The following CASQ2 variants were observed in gnomAD, a reference collection of about 807,000 sequenced individuals.
The protein encoded by CASQ2 is calsequestrin-2.
In CASQ2, 49 loss-of-function variants were observed where a neutral mutation model predicts 46.5. The observed-to-expected ratio is 1.05, with a 90% CI of 0.84 to 1.34. The LOEUF (loss-of-function observed/expected upper bound fraction) is 1.34, where lower values mean the gene tolerates loss of function less well. Ranked by LOEUF, CASQ2 falls within the 40% of genes most tolerant of loss-of-function variation. CASQ2 has a pLI of 0.00. For synonymous variants in CASQ2, 174 were observed against 168.5 expected (o/e 1.03, Z -0.25); for missense variants, 486 against 481.3 (o/e 1.01, Z -0.09).
At chr1:115,703,018 T>C in intron 9 of CASQ2, 23 bp from the exon 10 acceptor site, 1 of 1,597,462 alleles carries the variant, frequency 6.3e-7, no homozygotes, top group African/African-American at 1.3e-5. Flanking sequence ...AAAAATAAGA[T>C]TAGACAGCAG....
In CASQ2 at chr1:115,763,023, A is replaced by G. The variant is rs556835408; in HGVS notation, c.234+5285T>C. 5.9e-5 allele frequency among the ~76,000 whole-genome samples: 9 copies of G among 152,320 alleles called. No homozygotes were observed. In the South Asian group the frequency reaches 1.9e-3, roughly 32 times the overall value. ...TATTTAGTTGTGTTTTTGAGTCGCA[A>G]GCAGTTTCTTGATCCTTGCCCAATG... On this transcript the variant is annotated intron_variant, in intron 1 of 10. Coordinates refer to ENST00000261448, the MANE Select transcript of CASQ2 (RefSeq NM_001232.4).
chr1:115,761,468 A>AGGG (rs1557806754), intron 1 of CASQ2, among the ~76,000 whole-genome samples: 3 of 13,848 alleles, frequency 2.2e-4, no homozygotes, highest in East Asian at 3.7e-3. Flanking sequence ...AAGAAGGAGA[A>AGGG]GAAGAAGAAG....
chr1:115,713,696 G>T (rs1390320084), intron 8 of CASQ2, among the ~76,000 whole-genome samples: 5 of 152,156 alleles, frequency 3.3e-5, no homozygotes. Flanking sequence ...GCTTCCAGGT[G>T]GTTTTGTGCT....
At position 115,736,863 on chromosome 1, in the gene CASQ2, T is replaced by G. The variant is rs574820211; in HGVS notation, c.532+1361A>C. On this transcript the variant is annotated intron_variant, in intron 4 of 10. Coordinates refer to ENST00000261448, the MANE Select transcript of CASQ2 (RefSeq NM_001232.4). The stretch of plus-strand genomic sequence containing the variant: ...TCACCTCACAGGCTTGTTGTGAGAA[T>G]GAAATTAAGGCATCCATATAAGCTC... Among the ~76,000 whole-genome samples, 3 of 152,286 alleles carry G rather than the reference T, an allele frequency of 2.0e-5. No individual in the cohort carries two copies. In the East Asian group the frequency reaches 5.8e-4, roughly 29 times the overall value.
At chr1:115,733,006 C>T in intron 4 of CASQ2, 32 bp from the exon 5 acceptor site, 1 of 1,476,210 alleles carries the variant, frequency 6.8e-7, no homozygotes, top group Non-Finnish European at 9.5e-7. Context: ...AAGGGAGAGA[C>T]ATTTTCAAGA....
intron 7 of CASQ2, among the ~76,000 whole-genome samples, chr1:115,721,378 A>C (rs1037062944): frequency 2.0e-5 from 3 of 152,114 alleles, no homozygotes; most frequent in Non-Finnish European, 2.9e-5. Flanking sequence ...CACACAGCAA[A>C]TATTACCAGG....
chr1:115,744,362 A>G (rs10801967), intron 2 of CASQ2, among the ~76,000 whole-genome samples: 41,619 of 151,992 alleles, frequency 0.27, 6,103 homozygotes, highest in East Asian at 0.43. Flanking sequence ...CTGGGGTTTA[A>G]CCTTAAATTT....
chr1:115,709,830 C>T (rs1017700170), intron 8 of CASQ2, among the ~76,000 whole-genome samples: 1 of 152,148 alleles, frequency 6.6e-6, no homozygotes, highest in Non-Finnish European at 1.5e-5. Flanking sequence ...CCTTTATGGA[C>T]ACTGGACATT....
chr1:115,753,387 C>T (rs76508425), intron 1 of CASQ2, among the ~76,000 whole-genome samples: 3 of 152,030 alleles, frequency 2.0e-5, no homozygotes, highest in Non-Finnish European at 4.4e-5. Context: ...CACAAAGGAG[C>T]GGGTGGTCAT....
chr1:115,751,625 T>C (rs1471697779), intron 1 of CASQ2, among the ~76,000 whole-genome samples: 3 of 151,694 alleles, frequency 2.0e-5, no homozygotes, highest in African/African-American at 7.3e-5. Flanking sequence ...TGAGCCGAGA[T>C]TGCGCCACTG....
At position 115,712,726 on chromosome 1, in the gene CASQ2, C is replaced by T. The variant is rs374963762; in HGVS notation, c.838+5114G>A. ...CAAAACTTAGCCAGGTGTGGTGGCC[C>T]ATGCCTCTAATCCCAGCTACTCGGG... On this transcript the variant is annotated intron_variant, in intron 8 of 10. Coordinates refer to ENST00000261448, the MANE Select transcript of CASQ2 (RefSeq NM_001232.4). 1.3e-4 allele frequency among the ~76,000 whole-genome samples: 19 copies of T among 151,960 alleles called. No individual in the cohort carries two copies. The East Asian group carries it at 2.7e-3, about 22-fold the overall frequency.
intron 1 of CASQ2, among the ~76,000 whole-genome samples, chr1:115,760,925 A>G (rs1347129720): frequency 6.6e-6 from 1 of 152,206 alleles, no homozygotes; most frequent in Non-Finnish European, 1.5e-5. Flanking sequence ...AACAAAAATA[A>G]TAAAACCTGA....
At chr1:115,722,871 A>T (rs1294205873) in intron 7 of CASQ2, among the ~76,000 whole-genome samples, 1 of 152,170 alleles carries the variant, frequency 6.6e-6, no homozygotes, top group Middle Eastern at 3.4e-3. Flanking sequence ...AACATGGTGA[A>T]ACCCTGTCTC....
chr1:115,764,179 C>T (rs934250763), intron 1 of CASQ2, among the ~76,000 whole-genome samples: 8 of 152,056 alleles, frequency 5.3e-5, no homozygotes, highest in Non-Finnish European at 1.2e-4. Flanking sequence ...ATTAAAACAA[C>T]AATGAAAAGC....
intron 5 of CASQ2, among the ~76,000 whole-genome samples, chr1:115,732,430 C>T (rs896763963): frequency 1.3e-5 from 2 of 152,322 alleles, no homozygotes; most frequent in South Asian, 2.1e-4. Flanking sequence ...CATCCCACCA[C>T]GTCCCTTCCC....
chr1:115,715,477 A>T (rs1241147567), intron 8 of CASQ2, among the ~76,000 whole-genome samples: 1 of 152,232 alleles, frequency 6.6e-6, no homozygotes, highest in Non-Finnish European at 1.5e-5. Context: ...ATATTAAATG[A>T]TTCCATTTAT....
chr1:115,739,009 A>G (rs1648065413), intron 3 of CASQ2, among the ~76,000 whole-genome samples: 1 of 151,076 alleles, frequency 6.6e-6, no homozygotes, highest in African/African-American at 2.4e-5. Flanking sequence ...ATTTCACTTA[A>G]CATAATGTTC....
chr1:115,743,356 A>G (rs1310420340), intron 2 of CASQ2, among the ~76,000 whole-genome samples: 1 of 151,600 alleles, frequency 6.6e-6, no homozygotes, highest in African/African-American at 2.4e-5. Context: ...CCATTCTCTC[A>G]TCCCAGCCTC....
At position 115,716,572 on chromosome 1, in the gene CASQ2, G is replaced by GT. The variant is rs1654707934; in HGVS notation, c.838+1267dup. 2.0e-5 allele frequency among the ~76,000 whole-genome samples: 3 copies of GT among 152,144 alleles called. No individual in the cohort carries two copies. In the South Asian group the frequency reaches 6.2e-4, roughly 31 times the overall value. On this transcript the variant is annotated intron_variant, in intron 8 of 10. Coordinates refer to ENST00000261448, the MANE Select transcript of CASQ2 (RefSeq NM_001232.4). ...ACACACACAAGCACACACACACCCT[G>GT]TAAAGCTGGTATGTTTTAATATCTC...
Sources: gnomAD v4.1 joint callset for allele counts (sites outside exome capture counted in the v4.1 genomes callset) on GRCh38, gnomAD v4.1.1 for gene constraint, MANE v1.5 for transcripts, NCBI Gene and HGNC (gene_info 2026-07-23, HGNC 2026-07-21) for gene names.